IL1RAPL1: variants seen among roughly 807,000 people sequenced by gnomAD.
The protein encoded by IL1RAPL1 is interleukin-1 receptor accessory protein-like 1.
Under a neutral mutation model 48.4 loss-of-function variants are expected in IL1RAPL1, and 3 were observed. That is an observed-to-expected ratio of 0.06 (90% CI 0.03 to 0.16). The LOEUF (loss-of-function observed/expected upper bound fraction) is 0.16. Ranked by LOEUF, IL1RAPL1 falls within the 10% of genes least tolerant of loss-of-function variation. IL1RAPL1 has a pLI of 1.00. For synonymous variants in IL1RAPL1, 185 were observed against 187.7 expected, an observed-to-expected ratio of 0.99 and a Z score of 0.12; for missense variants, 349 against 530.6, an observed-to-expected ratio of 0.66 and a Z score of 3.36.
intron 6 of IL1RAPL1, among the ~76,000 whole-genome samples, chrX:29,796,698 A>C (rs1160647392): frequency 8.9e-6 from 1 of 112,502 alleles, no homozygotes; most frequent in African/African-American, 3.2e-5. Flanking sequence ...GATAATTAAA[A>C]GAAAATGAAA....
chrX:29,526,289 C>G (rs936720936), intron 5 of IL1RAPL1, among the ~76,000 whole-genome samples: 1 of 111,317 alleles, frequency 9.0e-6, no homozygotes, highest in Non-Finnish European at 1.9e-5. Flanking sequence ...TTATAAAAAT[C>G]ATTCACTATG....
intron 1 of IL1RAPL1, among the ~76,000 whole-genome samples, chrX:28,768,735 CTCTCTCTCTCTCTCTCTCTCTATATA>C (rs1569168453): frequency 1.5e-4 from 10 of 66,747 alleles, no homozygotes; most frequent in Admixed American, 5.5e-4. Context: ...CTCTGTCTCT[CTCTCTCTCTCTCTCTCTCTCTATATA>C]TATATATATA....
chrX:28,949,950 C>A (rs2147354344), intron 2 of IL1RAPL1, among the ~76,000 whole-genome samples: 1 of 110,479 alleles, frequency 9.1e-6, no homozygotes, highest in South Asian at 3.8e-4. Flanking sequence ...TTAATTAGAT[C>A]CCATTTGTCA....
intron 5 of IL1RAPL1, among the ~76,000 whole-genome samples, chrX:29,491,880 G>A (rs1359917217): frequency 9.0e-6 from 1 of 110,605 alleles, no homozygotes; most frequent in Non-Finnish European, 1.9e-5. Flanking sequence ...ATCTTAATAA[G>A]TCTACTTGAC....
intron 6 of IL1RAPL1, among the ~76,000 whole-genome samples, chrX:29,752,352 C>T (rs1180401034): frequency 9.3e-6 from 1 of 106,999 alleles, no homozygotes; most frequent in African/African-American, 3.4e-5. Flanking sequence ...AAAAATTAGT[C>T]AGGCGTTGCG....
intron 2 of IL1RAPL1, among the ~76,000 whole-genome samples, chrX:29,137,976 C>G (rs1433517259): frequency 8.9e-6 from 1 of 112,633 alleles, no homozygotes; most frequent in East Asian, 2.8e-4. Flanking sequence ...TATAAAGCAA[C>G]TATAAAGTGT....
chrX:28,785,163 T>C (rs1223705636), intron 1 of IL1RAPL1, among the ~76,000 whole-genome samples: 1 of 112,157 alleles, frequency 8.9e-6, no homozygotes, highest in Non-Finnish European at 1.9e-5. Flanking sequence ...CTCACTCTGT[T>C]GCCCAGGCTA....
At chrX:29,745,431 GTTTTTT>G (rs752527354) in intron 6 of IL1RAPL1, among the ~76,000 whole-genome samples, 1 of 24,740 alleles carries the variant, frequency 4.0e-5, no homozygotes, top group African/African-American at 1.8e-4. Context: ...AGTTTTTTGT[GTTTTTT>G]TTTTTTTTTT....
intron 6 of IL1RAPL1, among the ~76,000 whole-genome samples, chrX:29,678,524 TTGTGTGTG>T (rs111394018): frequency 5.9e-5 from 6 of 101,054 alleles, no homozygotes; most frequent in Non-Finnish European, 2.0e-5. Context: ...CTGGCTAATT[TTGTGTGTG>T]TGTGTGTGTG....
At chrX:28,776,734 A>G (rs910232169) in intron 1 of IL1RAPL1, among the ~76,000 whole-genome samples, 4 of 112,049 alleles carry the variant, frequency 3.6e-5, no homozygotes, top group Non-Finnish European at 7.5e-5. Context: ...AGACAACAAT[A>G]GCATCTACCT....
chrX:29,824,675 A>G (rs760557446), intron 6 of IL1RAPL1, among the ~76,000 whole-genome samples: 4 of 112,007 alleles, frequency 3.6e-5, no homozygotes, highest in Non-Finnish European at 5.6e-5. Flanking sequence ...TATGTTTGCA[A>G]TCTTAAAAAA....
At chrX:29,080,892 A>G (rs1324008607) in intron 2 of IL1RAPL1, among the ~76,000 whole-genome samples, 1 of 106,149 alleles carries the variant, frequency 9.4e-6, no homozygotes, top group Non-Finnish European at 1.9e-5. Context: ...ACAGGAGCCC[A>G]TTACCACATC....
intron 3 of IL1RAPL1, among the ~76,000 whole-genome samples, chrX:29,284,131 A>G (rs1932245726): frequency 8.9e-6 from 1 of 112,315 alleles, no homozygotes; most frequent in South Asian, 3.6e-4. Flanking sequence ...CCCATAACTC[A>G]GAGAAAGTCT....
At chrX:29,310,472 G>A (rs933835325) in intron 3 of IL1RAPL1, among the ~76,000 whole-genome samples, 1 of 111,445 alleles carries the variant, frequency 9.0e-6, no homozygotes, top group Non-Finnish European at 1.9e-5. Context: ...GACAGCATGG[G>A]GAAGGCTAAT....
chrX:29,167,087 A>G (rs929208927), intron 2 of IL1RAPL1, among the ~76,000 whole-genome samples: 2 of 111,877 alleles, frequency 1.8e-5, no homozygotes, highest in African/African-American at 6.5e-5. Context: ...TTTTATGCTA[A>G]ATAAGGCCGT....
chrX:28,715,137 A>G (rs1046671414), intron 1 of IL1RAPL1, among the ~76,000 whole-genome samples: 2 of 112,563 alleles, frequency 1.8e-5, no homozygotes, highest in Non-Finnish European at 3.8e-5. Flanking sequence ...AATTGATCGT[A>G]TAATCAGAAG....
intron 1 of IL1RAPL1, among the ~76,000 whole-genome samples, chrX:28,756,947 C>T (rs1397596554): frequency 1.8e-5 from 2 of 111,672 alleles, no homozygotes; most frequent in Non-Finnish European, 3.8e-5. Flanking sequence ...TTTTTCTCAC[C>T]TACACAATGG....
At chrX:29,449,780 C>CACACACACACACAGAGAGAG (rs557765024) in intron 5 of IL1RAPL1, among the ~76,000 whole-genome samples, 1,008 of 57,980 alleles carry the variant, frequency 0.017, 13 homozygotes, top group South Asian at 0.023. Flanking sequence ...CACACACACA[C>CACACACACACACAGAGAGAG]AGAGAGAGAG....
chrX:29,935,983 T>C (rs1260733636), intron 8 of IL1RAPL1, among the ~76,000 whole-genome samples: 1 of 111,432 alleles, frequency 9.0e-6, no homozygotes, highest in Admixed American at 9.5e-5. Flanking sequence ...TACCCTGACT[T>C]CCCAAAAAGG....
Sources: gnomAD v4.1 joint callset for allele counts (sites outside exome capture counted in the v4.1 genomes callset) on GRCh38, gnomAD v4.1.1 for gene constraint, MANE v1.5 for transcripts, NCBI Gene and HGNC (gene_info 2026-07-23, HGNC 2026-07-21) for gene names.